UTRN: variants seen among roughly 807,000 people sequenced by gnomAD.
UTRN encodes the protein utrophin.
UTRN carries 283 observed loss-of-function variants against 463.9 expected under a neutral mutation model. The ratio of observed to expected loss-of-function variants is 0.61; its 90% CI spans 0.55 to 0.67. The LOEUF is 0.67. Ranked by LOEUF, UTRN falls within the 30% of genes least tolerant of loss-of-function variation. The pLI, the probability that UTRN is intolerant of heterozygous loss-of-function variation, is 0.00. For synonymous variants in UTRN, 1,442 were observed against 1,431.5 expected (o/e 1.01, Z -0.17); for missense variants, 3,922 against 4,084.3 (o/e 0.96, Z 1.08).
chr6:144,638,382 G>C (rs1411523228), intron 51 of UTRN, among the ~76,000 whole-genome samples: 1 of 152,112 alleles, frequency 6.6e-6, no homozygotes, highest in African/African-American at 2.4e-5. Context: ...CATTCTTTCA[G>C]ACTGCAGTGT....
chr6:144,470,747 G>A (rs1455266541), intron 23 of UTRN, among the ~76,000 whole-genome samples: 5 of 152,042 alleles, frequency 3.3e-5, no homozygotes, highest in Admixed American at 2.6e-4. Context: ...ATTGAGCACT[G>A]AGTGAGTGAG....
intron 73 of UTRN, among the ~76,000 whole-genome samples, chr6:144,844,548 C>T (rs1331647069): frequency 6.6e-6 from 1 of 152,136 alleles, no homozygotes; most frequent in Non-Finnish European, 1.5e-5. Flanking sequence ...GGATTACACG[C>T]GTGAGCCACC....
intron 51 of UTRN, among the ~76,000 whole-genome samples, chr6:144,669,684 A>T (rs931448484): frequency 6.6e-6 from 1 of 152,128 alleles, no homozygotes; most frequent in Middle Eastern, 3.4e-3. Flanking sequence ...TGCACCCATC[A>T]CCCAAGCAGT....
intron 45 of UTRN, among the ~76,000 whole-genome samples, chr6:144,541,051 C>G (rs929906338): frequency 1.3e-5 from 2 of 152,244 alleles, no homozygotes; most frequent in Non-Finnish European, 2.9e-5. Flanking sequence ...GGCTGCCCCA[C>G]TCATCTCCCC....
chr6:144,458,865 A>T lies in UTRN; in HGVS notation c.2380A>T (p.Ile794Phe), dbSNP rs763252562. 2 of 1,613,820 alleles carry T rather than the reference A, an allele frequency of 1.2e-6. No homozygotes were observed. Among genetic ancestry groups the T allele is most frequent in the Non-Finnish European group, 1.7e-6 (2 of 1,179,954 alleles). Residue 794 changes from isoleucine (I) to phenylalanine (F), a missense_variant, in exon 20 of 75, where the codon ATT becomes TTT. Ile to Phe is a conservative substitution (Grantham distance 21). Around this residue, in one of 3 missense-constraint regions of UTRN, gnomAD observed 2,349 missense variants for 2,303.8 expected, o/e 1.02. Coordinates refer to ENST00000367545, the MANE Select transcript of UTRN (RefSeq NM_007124.3). ...ACATTTGGAAGATCTAGAAAGAAAG[A>T]TTCAGCTACAGGAAGATATAAATGC... ...SQHLEDLERK[I>F]QLQEDINAYF...
At chr6:144,325,009 C>A (rs1293314634) in intron 2 of UTRN, among the ~76,000 whole-genome samples, 2 of 152,156 alleles carry the variant, frequency 1.3e-5, no homozygotes, top group South Asian at 4.1e-4. Flanking sequence ...TTCTTCCTCA[C>A]CTGCACAGGA....
At position 144,426,268 on chromosome 6, in the gene UTRN, C is replaced by T. The variant is rs1377827441; in HGVS notation, c.406-19C>T. On this transcript the variant is annotated intron_variant, in intron 6 of 74. Transcript: ENST00000367545. ...TACTGAAGTATTAGTTATGGACAGG[C>T]CTGGTTTCTCTTACATAGGTGAAAG... 1 of 1,604,962 alleles carries T rather than the reference C, an allele frequency of 6.2e-7. No homozygotes were observed. The highest frequency in any genetic ancestry group is 1.7e-5 in the Admixed American group (1 of 59,182).
At chr6:144,404,043 ATTGGTATTTC>A (rs1225017896) in intron 3 of UTRN, among the ~76,000 whole-genome samples, 2 of 152,238 alleles carry the variant, frequency 1.3e-5, no homozygotes, top group African/African-American at 4.8e-5. Context: ...AGAGACAAAC[ATTGGTATTTC>A]TTGAGGAAAA....
At chr6:144,739,965 C>T (rs543261648) in intron 54 of UTRN, among the ~76,000 whole-genome samples, 17 of 152,302 alleles carry the variant, frequency 1.1e-4, no homozygotes, top group Non-Finnish European at 8.8e-5. Context: ...TCCCAACAAG[C>T]CAGAATTTCA....
intron 43 of UTRN, among the ~76,000 whole-genome samples, 197 bp from the exon 44 acceptor site, chr6:144,537,385 A>G (rs1386045711): frequency 2.6e-5 from 4 of 151,946 alleles, no homozygotes; most frequent in Non-Finnish European, 5.9e-5. Flanking sequence ...CTAAGGAAAA[A>G]AGCTTCTTGG....
intron 51 of UTRN, among the ~76,000 whole-genome samples, chr6:144,612,536 C>T (rs1193256218): frequency 1.3e-5 from 2 of 152,022 alleles, no homozygotes; most frequent in African/African-American, 4.8e-5. Flanking sequence ...TAAAAATTGA[C>T]AAAGTACCTG....
At chr6:144,638,990 G>A (rs1171848342) in intron 51 of UTRN, among the ~76,000 whole-genome samples, 1 of 152,072 alleles carries the variant, frequency 6.6e-6, no homozygotes, top group Non-Finnish European at 1.5e-5. Flanking sequence ...TGGGAGGATT[G>A]CCCAGGACTT....
intron 51 of UTRN, among the ~76,000 whole-genome samples, chr6:144,613,587 T>C (rs1805753443): frequency 6.6e-6 from 1 of 152,028 alleles, no homozygotes. Context: ...ATTATGGTTA[T>C]GGAAAGCAGT....
At chr6:144,825,101 G>A (rs1394849725) in intron 66 of UTRN, among the ~76,000 whole-genome samples, 6 of 151,958 alleles carry the variant, frequency 3.9e-5, no homozygotes, top group African/African-American at 1.5e-4. Context: ...CATTTTACAT[G>A]ATACTAAGTG....
intron 51 of UTRN, among the ~76,000 whole-genome samples, chr6:144,663,871 CAAAT>C (rs1780126962): frequency 6.6e-6 from 1 of 152,146 alleles, no homozygotes; most frequent in Non-Finnish European, 1.5e-5. Context: ...CATTTTAAAA[CAAAT>C]GTGTCCTCAA....
At chr6:144,395,397 T>C (rs1242912397) in intron 2 of UTRN, among the ~76,000 whole-genome samples, 1 of 150,042 alleles carries the variant, frequency 6.7e-6, no homozygotes, top group African/African-American at 2.5e-5. Flanking sequence ...AGAAAAGATG[T>C]TGAGTTTTTT....
At chr6:144,798,023 T>A (rs1777380529) in intron 64 of UTRN, 33 bp downstream of exon 64, 1 of 1,613,262 alleles carries the variant, frequency 6.2e-7, no homozygotes, top group Non-Finnish European at 8.5e-7. Context: ...GAGGCTATTT[T>A]CTGTTTCCTT....
At chr6:144,709,569 G>GT (rs1458327631) in intron 53 of UTRN, among the ~76,000 whole-genome samples, 1 of 152,118 alleles carries the variant, frequency 6.6e-6, no homozygotes, top group African/African-American at 2.4e-5. Context: ...AAGGGACCTT[G>GT]TACTTGATTT....
At chr6:144,622,194 T>TTG in intron 51 of UTRN, among the ~76,000 whole-genome samples, 1 of 138,662 alleles carries the variant, frequency 7.2e-6, no homozygotes, top group African/African-American at 2.7e-5. Context: ...GTTTTTTTTT[T>TTG]TTTTTTTTTT....
Sources: gnomAD v4.1 joint callset for allele counts (sites outside exome capture counted in the v4.1 genomes callset) on GRCh38, gnomAD v4.1.1 for gene constraint, gnomAD v4.1.1 regional missense constraint, MANE v1.5 for transcripts, NCBI Gene and HGNC (gene_info 2026-07-23, HGNC 2026-07-21) for gene names.